TNS1: variants seen among roughly 807,000 people sequenced by gnomAD.
TNS1 encodes tensin 1, also known as tensin-1.
A neutral mutation model predicts 168.6 loss-of-function variants in TNS1; 62 were observed. The ratio of observed to expected loss-of-function variants is 0.37; its 90% CI spans 0.30 to 0.45. TNS1 has a LOEUF of 0.45. Among genes scored for constraint, TNS1 ranks in the 20% least tolerant of loss-of-function variants. TNS1 has a pLI of 1.00. For missense variants in TNS1, 2,240 were observed against 2,339.4 expected (o/e 0.96, Z 0.88); for synonymous variants, 934 against 933.2 (o/e 1.00, Z -0.02).
chr2:217,873,970 AAAG>A (rs922770324), intron 18 of TNS1, among the ~76,000 whole-genome samples: 4 of 151,974 alleles, frequency 2.6e-5, no homozygotes, highest in East Asian at 3.9e-4. Context: ...AGGAAAACAG[AAAG>A]AAGACTTACT....
intron 1 of TNS1, among the ~76,000 whole-genome samples, chr2:217,992,150 C>T (rs1298578554): frequency 6.6e-6 from 1 of 152,148 alleles, no homozygotes; most frequent in Non-Finnish European, 1.5e-5. Flanking sequence ...TCAGAGGACT[C>T]CCCACAGAAA....
intron 4 of TNS1, among the ~76,000 whole-genome samples, chr2:217,917,413 C>T (rs1955145611): frequency 6.6e-6 from 1 of 152,130 alleles, no homozygotes; most frequent in African/African-American, 2.4e-5. Flanking sequence ...ATGGGCAAAA[C>T]CCCTTAAACA....
At chr2:218,024,121 G>A (rs570166206) in intron 1 of TNS1, among the ~76,000 whole-genome samples, 9 of 152,246 alleles carry the variant, frequency 5.9e-5, no homozygotes, top group South Asian at 2.1e-4. Flanking sequence ...GCTGAAGATC[G>A]GAGTCACTAA....
intron 32 of TNS1, 22 bp from the exon 33 acceptor site, chr2:217,804,625 G>T: frequency 6.2e-7 from 1 of 1,613,292 alleles, no homozygotes; most frequent in Non-Finnish European, 8.5e-7. Flanking sequence ...AGAGGGCAAC[G>T]GGCATGAGGG....
upstream of TNS1, among the ~76,000 whole-genome samples, chr2:218,014,988 C>G (rs1455202428): frequency 1.3e-5 from 2 of 152,178 alleles, no homozygotes; most frequent in African/African-American, 2.4e-5. Flanking sequence ...CACTGGCTCC[C>G]TCCCACAGCT....
intron 2 of TNS1, among the ~76,000 whole-genome samples, chr2:217,983,097 G>A (rs1010178429): frequency 6.6e-6 from 1 of 152,138 alleles, no homozygotes; most frequent in Non-Finnish European, 1.5e-5. Context: ...CAGTCTGTGA[G>A]TGACAGGGAC....
intron 3 of TNS1, among the ~76,000 whole-genome samples, chr2:217,954,766 C>T (rs1490536550): frequency 6.6e-6 from 1 of 152,212 alleles, no homozygotes; most frequent in Non-Finnish European, 1.5e-5. Context: ...ATCCAGCCTC[C>T]CAGCCACCCC....
At chr2:217,971,909 A>T (rs1449053608) in intron 3 of TNS1, among the ~76,000 whole-genome samples, 1 of 152,088 alleles carries the variant, frequency 6.6e-6, no homozygotes, top group Non-Finnish European at 1.5e-5. Context: ...GAATTTCCTC[A>T]CTCTTCCTTG....
Position 218,033,545 on chromosome 2 carries a change from C to G in TNS1, c.156+275G>C, listed in dbSNP as rs1958918743. Among the ~76,000 whole-genome samples the G allele has an allele frequency of 6.6e-6, 1 of 152,198 alleles. No individual in the cohort carries two copies. Among genetic ancestry groups the G allele is most frequent in the African/African-American group, 2.4e-5 (1 of 41,450 alleles). On this transcript the variant is annotated intron_variant, in intron 1 of 1. Transcript: ENST00000649572. The surrounding 1 kb of genome is among the most constrained non-coding windows in gnomAD (Gnocchi z 4.3). ...CCCTCCTGGGTGACTCCTAAACCAA[C>G]CTCACCCAACCTATTTGCCCTTCTA...
Position 217,836,094 on chromosome 2 carries a change from C to G in TNS1, c.3125G>C (p.Gly1042Ala), listed in dbSNP as rs1233303047. 4 of 1,613,944 alleles carry G rather than the reference C, an allele frequency of 2.5e-6. No individual in the cohort carries two copies. In the Admixed American group the frequency reaches 5.0e-5, roughly 20 times the overall value. ...SPEATSPRSP[G>A]VRSPVQCVSP... ...GACACACTGGACAGGGGAGCGAACC[C>G]CAGGGCTACGAGGGGATGTGGCTTC... Residue 1042 changes from glycine (G) to alanine (A), a missense_variant, in exon 20 of 33, where the codon GGG becomes GCG. Gly to Ala is a moderately conservative substitution (Grantham distance 60). Coordinates refer to ENST00000682258, the MANE Select transcript of TNS1 (RefSeq NM_001387777.1).
intron 18 of TNS1, among the ~76,000 whole-genome samples, chr2:217,863,529 G>C (rs563333333): frequency 6.3e-4 from 96 of 152,258 alleles, no homozygotes; most frequent in African/African-American, 2.1e-3. Flanking sequence ...CCCTGAGCTA[G>C]ACTGAGGGAT....
rs568909318 is a variant in TNS1 at position 217,915,431 on chromosome 2, G to A, written c.228+4764C>T. On this transcript the variant is annotated intron_variant, in intron 4 of 32. Coordinates refer to ENST00000682258, the MANE Select transcript of TNS1 (RefSeq NM_001387777.1). ...GTGGCTCCAGGTCTACTCCATGCCC[G>A]TCTGTCTTCAAGAAGCACTGACAAC... 1.2e-3 allele frequency among the ~76,000 whole-genome samples: 187 copies of A among 152,314 alleles called. 3 individuals are homozygous for A. Among genetic ancestry groups the A allele is most frequent in the African/African-American group, 4.2e-3 (173 of 41,568 alleles).
chr2:218,007,086 C>T (rs78355322), upstream of TNS1, among the ~76,000 whole-genome samples: 1 of 152,258 alleles, frequency 6.6e-6, no homozygotes, highest in African/African-American at 2.4e-5. Context: ...TCCTCCCAGA[C>T]CATCCTGAGG....
chr2:217,901,314 G>A (rs1012127575), intron 6 of TNS1, among the ~76,000 whole-genome samples: 2 of 152,154 alleles, frequency 1.3e-5, no homozygotes, highest in Non-Finnish European at 2.9e-5. Context: ...CATGTAAAAT[G>A]GGACAACCTT....
At chr2:217,964,000 T>C (rs1266061418) in intron 3 of TNS1, among the ~76,000 whole-genome samples, 1 of 151,936 alleles carries the variant, frequency 6.6e-6, no homozygotes, top group African/African-American at 2.4e-5. Flanking sequence ...CAGTCCAACC[T>C]TCCTCCCCAC....
At chr2:217,905,091 T>C (rs1953493929) in intron 6 of TNS1, among the ~76,000 whole-genome samples, 1 of 152,190 alleles carries the variant, frequency 6.6e-6, no homozygotes, top group African/African-American at 2.4e-5. Context: ...TCCCAGCCCT[T>C]AGTCAAAATA....
intron 18 of TNS1, among the ~76,000 whole-genome samples, chr2:217,868,985 A>G (rs1377806189): frequency 6.6e-6 from 1 of 152,252 alleles, no homozygotes; most frequent in African/African-American, 2.4e-5. Context: ...GACATAGAGA[A>G]GAAAGGAGAT....
chr2:217,940,261 T>C (rs3791904), intron 3 of TNS1, among the ~76,000 whole-genome samples: 25,588 of 152,146 alleles, frequency 0.17, 3,033 homozygotes, highest in African/African-American at 0.33. Context: ...CCTCCACCCA[T>C]TTCTGATTTG....
At chr2:217,810,943 T>C (rs1434857527) in intron 28 of TNS1, among the ~76,000 whole-genome samples, 1 of 151,780 alleles carries the variant, frequency 6.6e-6, no homozygotes, top group Admixed American at 6.6e-5. Context: ...AGTGGCATGA[T>C]CACAGCTCAC....
Sources: allele counts gnomAD v4.1 joint callset (sites outside exome capture counted in the v4.1 genomes callset), GRCh38; gene constraint gnomAD v4.1.1; non-coding constraint Gnocchi (gnomAD v3.1); transcripts MANE v1.5; gene names NCBI Gene and HGNC (gene_info 2026-07-23, HGNC 2026-07-21).